The following KCNK9 variants were observed in gnomAD, a reference collection of about 807,000 sequenced individuals.
The protein encoded by KCNK9 is potassium two pore domain channel subfamily K member 9.
KCNK9 carries 1 observed loss-of-function variant against 10.8 expected under a neutral mutation model. That is an observed-to-expected ratio of 0.09 (90% CI 0.03 to 0.44). The LOEUF (loss-of-function observed/expected upper bound fraction) is 0.44, where lower values mean the gene tolerates loss of function less well. Ranked by LOEUF, KCNK9 falls within the 20% of genes least tolerant of loss-of-function variation. KCNK9 has a pLI of 0.97. For synonymous variants in KCNK9, 231 were observed against 222.7 expected, an observed-to-expected ratio of 1.04 and a Z score of -0.33; for missense variants, 303 against 515.0, an observed-to-expected ratio of 0.59 and a Z score of 3.98.
Position 139,663,885 on chromosome 8 carries a change from A to G in KCNK9, c.283+38825T>C, listed in dbSNP as rs118120279. 1.9e-4 allele frequency among the ~76,000 whole-genome samples: 29 copies of G among 152,268 alleles called. No individual in the cohort carries two copies. In the East Asian group the frequency reaches 5.6e-3, roughly 29 times the overall value. Reference sequence around the variant, plus strand: ...GGAGATGTTTGTTATGTAGCCACGGATAAGTGGAACAAGCTCTTATACAGG... The same window carrying G: ...GGAGATGTTTGTTATGTAGCCACGGGTAAGTGGAACAAGCTCTTATACAGG... On this transcript the variant is annotated intron_variant, in intron 1 of 1. Coordinates refer to ENST00000520439, the MANE Select transcript of KCNK9 (RefSeq NM_001282534.2).
chr8:139,618,484 G>A lies in KCNK9; in HGVS notation c.899C>T (p.Thr300Ile). The A allele has an allele frequency of 3.7e-6, 6 of 1,613,910 alleles. No homozygotes were observed. Among genetic ancestry groups the A allele is most frequent in the Non-Finnish European group, 5.1e-6 (6 of 1,180,032 alleles). ...GCCATAGTCCTGCGAGCGGTAGCAG[G>A]TGCAGGAGCACACAGACTGCAGGTC... is the stretch of plus-strand genomic sequence containing the variant. Reference protein sequence around the residue: ...VPDLQSVCSCTCYRSQDYGGR... With the variant: ...VPDLQSVCSCICYRSQDYGGR... The change falls in exon 2 of 2, where the codon ACC becomes ATC. Residue 300 changes from threonine to isoleucine, a missense_variant. This residue lies in a region of KCNK9 where 138 missense variants were observed against 161.1 expected (regional missense o/e 0.86). Transcript: ENST00000520439. This position sits in a 1 kb window ranked among gnomAD's most constrained non-coding sequence, Gnocchi z 7.9.
chr8:139,617,711 T>C lies in KCNK9; in HGVS notation c.*547A>G, dbSNP rs1171416731. ...GCCAAAAGCAGGCTATGATGTGTGA[T>C]GGGAAAGAAAACGGAATACCTAATA... On this transcript the variant is annotated 3_prime_UTR_variant, in exon 2 of 2. Coordinates refer to ENST00000520439, the MANE Select transcript of KCNK9 (RefSeq NM_001282534.2). 6.6e-6 allele frequency among the ~76,000 whole-genome samples: 1 copy of C among 152,192 alleles called. No individual in the cohort carries two copies. The highest frequency in any genetic ancestry group is 1.5e-5 in the Non-Finnish European group (1 of 68,034).
chr8:139,660,698 A>C (rs921722767), intron 1 of KCNK9, among the ~76,000 whole-genome samples: 1 of 152,214 alleles, frequency 6.6e-6, no homozygotes, highest in African/African-American at 2.4e-5. Flanking sequence ...ATAAGCATTT[A>C]TTGATTAACA....
chr8:139,605,129 T>G (rs1482208825), intron 2 of KCNK9, among the ~76,000 whole-genome samples: 1 of 152,248 alleles, frequency 6.6e-6, no homozygotes, highest in Non-Finnish European at 1.5e-5. Context: ...ACTGAGCACC[T>G]GCTAACTGCC....
At chr8:139,657,642 G>A (rs2129693227) in intron 1 of KCNK9, among the ~76,000 whole-genome samples, 1 of 152,316 alleles carries the variant, frequency 6.6e-6, no homozygotes, top group Non-Finnish European at 1.5e-5. Flanking sequence ...AGTGGGGGAT[G>A]GATGGATCTG....
Position 139,618,326 on chromosome 8 carries a change from A to C in KCNK9, c.1057T>G (p.Ser353Ala). The change falls in exon 2 of 2, where the codon TCC (serine) becomes GCC (alanine). Residue 353 changes from serine (S) to alanine (A), a missense_variant. Transcript: ENST00000520439. The surrounding 1 kb of genome is among the most constrained non-coding windows in gnomAD (Gnocchi z 7.9). ...AAGCTGTGTAACCCAGGAGAGATGG[A>C]GCTAATAGGCGATGGGAAGAGGCTG... ...KNSLFPSPIS[S>A]ISPGLHSFTD... The C allele has an allele frequency of 1.9e-6, 3 of 1,614,104 alleles. No individual in the cohort carries two copies. The highest frequency in any genetic ancestry group is 2.5e-6 in the Non-Finnish European group (3 of 1,180,014).
chr8:139,615,108 G>C (rs553955412), downstream of KCNK9, among the ~76,000 whole-genome samples: 60 of 152,338 alleles, frequency 3.9e-4, no homozygotes, highest in African/African-American at 1.4e-3. Context: ...GAGGAAGAGA[G>C]ACCTGGGGCT....
intron 1 of KCNK9, among the ~76,000 whole-genome samples, chr8:139,651,684 C>G (rs966986108): frequency 1.3e-5 from 2 of 152,068 alleles, no homozygotes; most frequent in African/African-American, 4.8e-5. Flanking sequence ...CAGAAGAAGA[C>G]TAATTAGTGG....
At chr8:139,662,876 G>A (rs936691768) in intron 1 of KCNK9, among the ~76,000 whole-genome samples, 6 of 150,190 alleles carry the variant, frequency 4.0e-5, no homozygotes, top group Non-Finnish European at 7.4e-5. Flanking sequence ...TGGGGGAAGG[G>A]GGGGGGGCTG....
intron 1 of KCNK9, among the ~76,000 whole-genome samples, chr8:139,663,641 G>T (rs935231917): frequency 6.8e-5 from 9 of 133,136 alleles, no homozygotes; most frequent in Non-Finnish European, 9.6e-5. Context: ...ACAGACGCGC[G>T]TGCGCACGTG....
intron 1 of KCNK9, among the ~76,000 whole-genome samples, chr8:139,694,559 A>G (rs966601759): frequency 1.3e-5 from 2 of 152,286 alleles, no homozygotes; most frequent in Admixed American, 6.5e-5. Context: ...AGCCCCTGAA[A>G]TCCTGCCCAG....
intron 1 of KCNK9, among the ~76,000 whole-genome samples, chr8:139,623,788 T>C (rs1814871146): frequency 6.6e-6 from 1 of 152,078 alleles, no homozygotes; most frequent in Non-Finnish European, 1.5e-5. Context: ...ACTTATCCCT[T>C]TGGCAATGAG....
At chr8:139,620,444 G>A (rs980567194) in intron 1 of KCNK9, among the ~76,000 whole-genome samples, 4 of 152,072 alleles carry the variant, frequency 2.6e-5, no homozygotes, top group Admixed American at 6.6e-5. Flanking sequence ...TGGATCCGCC[G>A]AGATCAGACA....
intron 1 of KCNK9, among the ~76,000 whole-genome samples, chr8:139,682,855 AATGCTTAGGTC>A (rs1816720415): frequency 6.6e-6 from 1 of 152,142 alleles, no homozygotes; most frequent in Non-Finnish European, 1.5e-5. Flanking sequence ...TTTAAAAACA[AATGCTTAGGTC>A]ATCCCCAGAG....
chr8:139,621,369 G>A (rs1402755714), intron 1 of KCNK9, among the ~76,000 whole-genome samples: 1 of 151,824 alleles, frequency 6.6e-6, no homozygotes, highest in Non-Finnish European at 1.5e-5. Context: ...CCCCAGGCAG[G>A]ACAAATACAA....
intron 1 of KCNK9, among the ~76,000 whole-genome samples, chr8:139,672,767 G>A (rs1816462445): frequency 6.6e-6 from 1 of 152,202 alleles, no homozygotes; most frequent in African/African-American, 2.4e-5. Flanking sequence ...GCATGGGAAG[G>A]AGCTTGAGGA....
chr8:139,617,212 C>T lies in KCNK9; in HGVS notation c.*1046G>A, dbSNP rs1208433574. Among the ~76,000 whole-genome samples, 1 of 152,204 alleles carries T rather than the reference C, an allele frequency of 6.6e-6. No homozygotes were observed. The highest frequency in any genetic ancestry group is 1.5e-5 in the Non-Finnish European group (1 of 68,040). On this transcript the variant is annotated 3_prime_UTR_variant, in exon 2 of 2. Coordinates refer to ENST00000520439, the MANE Select transcript of KCNK9 (RefSeq NM_001282534.2). ...ACAGCCACATACTAATACCCATTCT[C>T]ACCCAAGCATTCCAACACTATAATT...
intron 1 of KCNK9, among the ~76,000 whole-genome samples, chr8:139,680,958 A>G (rs1336113962): frequency 1.3e-5 from 2 of 151,692 alleles, no homozygotes; most frequent in African/African-American, 4.8e-5. Context: ...TCCTCCCACA[A>G]CTTAGAGCTC....
chr8:139,658,196 G>T (rs377349741), intron 1 of KCNK9, among the ~76,000 whole-genome samples: 1 of 152,172 alleles, frequency 6.6e-6, no homozygotes, highest in African/African-American at 2.4e-5. Flanking sequence ...AGACACAAGG[G>T]GCTAGCAGGG....
Sources: gnomAD v4.1 joint callset for allele counts (sites outside exome capture counted in the v4.1 genomes callset) on GRCh38, gnomAD v4.1.1 for gene constraint, gnomAD v4.1.1 regional missense constraint, Gnocchi (gnomAD v3.1) non-coding constraint, MANE v1.5 for transcripts, NCBI Gene and HGNC (gene_info 2026-07-23, HGNC 2026-07-21) for gene names.